Variants in AUTS2 observed in about 807,000 individuals in gnomAD.
The protein encoded by AUTS2 is autism susceptibility gene 2 protein.
A neutral mutation model predicts 112.4 loss-of-function variants in AUTS2; 17 were observed. The observed-to-expected ratio is 0.15, with a 90% CI of 0.10 to 0.23. The LOEUF is 0.23. AUTS2 is among the 10% of genes least tolerant of loss of function. The pLI is 1.00. For missense variants in AUTS2, 1,510 were observed against 1,701.6 expected (o/e 0.89, Z 1.98); for synonymous variants, 751 against 702.7 (o/e 1.07, Z -1.09).
At chr7:70,009,726 T>A (rs949009985) in intron 2 of AUTS2, among the ~76,000 whole-genome samples, 1 of 152,208 alleles carries the variant, frequency 6.6e-6, no homozygotes, top group East Asian at 1.9e-4. Context: ...CCATATAATC[T>A]ATGGTATTAT....
chr7:69,795,305 G>T (rs1789791474), intron 1 of AUTS2, among the ~76,000 whole-genome samples: 1 of 152,178 alleles, frequency 6.6e-6, no homozygotes, highest in Non-Finnish European at 1.5e-5. Flanking sequence ...ATCATAGAGA[G>T]CCTTGATTCC....
chr7:70,699,899 G>A (rs1454540355), intron 6 of AUTS2, among the ~76,000 whole-genome samples: 1 of 152,170 alleles, frequency 6.6e-6, no homozygotes, highest in Non-Finnish European at 1.5e-5. Context: ...GAGGGAGACT[G>A]GGGTAGAGGG....
intron 4 of AUTS2, among the ~76,000 whole-genome samples, chr7:70,393,438 AC>A (rs1386050180): frequency 2.0e-4 from 30 of 152,008 alleles, no homozygotes; most frequent in Admixed American, 3.9e-4. Context: ...TGTCCTGGAC[AC>A]AGTATTTCAC....
intron 5 of AUTS2, among the ~76,000 whole-genome samples, chr7:70,512,246 A>G (rs1799225092): frequency 6.6e-6 from 1 of 152,222 alleles, no homozygotes; most frequent in Non-Finnish European, 1.5e-5. Context: ...GCACATATCC[A>G]TGTGATATTA....
intron 5 of AUTS2, among the ~76,000 whole-genome samples, chr7:70,678,293 C>A (rs1808028661): frequency 2.0e-5 from 3 of 152,022 alleles, no homozygotes; most frequent in Non-Finnish European, 1.5e-5. Context: ...AGGCATACAG[C>A]GGAAGTGTGT....
rs370966756 is a variant in AUTS2, at chr7:69,894,252, G to GTTTTTT, written c.310-5013_310-5008dup. 7.1e-4 allele frequency among the ~76,000 whole-genome samples: 26 copies of GTTTTTT among 36,730 alleles called. 1 individual carries two copies. Among genetic ancestry groups the GTTTTTT allele is most frequent in the African/African-American group, 2.8e-3 (21 of 7,572 alleles). 24.1% of individuals were successfully genotyped at this position (36,730 alleles called of 152,430 possible). ...GACTGTCAAATGAATGCCTTAAAGCGTTTTTTTTTTTTTTTTTTTTTTTTT... is the reference window on the plus strand; with the variant it reads ...GACTGTCAAATGAATGCCTTAAAGCGTTTTTTTTTTTTTTTTTTTTTTTTTTTTTTT... On this transcript the variant is annotated intron_variant, in intron 1 of 18. Coordinates refer to ENST00000342771, the MANE Select transcript of AUTS2 (RefSeq NM_015570.4).
chr7:70,714,737 C>A (rs374853044), intron 6 of AUTS2, among the ~76,000 whole-genome samples: 3 of 152,164 alleles, frequency 2.0e-5, no homozygotes, highest in African/African-American at 7.2e-5. Context: ...CTCTGTCCCT[C>A]GTATTTCCTG....
intron 4 of AUTS2, among the ~76,000 whole-genome samples, chr7:70,389,262 G>A (rs1437035896): frequency 6.6e-6 from 1 of 152,046 alleles, no homozygotes; most frequent in Non-Finnish European, 1.5e-5. Context: ...CCTTGCAACT[G>A]ATATTGGACC....
intron 6 of AUTS2, among the ~76,000 whole-genome samples, chr7:70,711,657 AC>A (rs1212838313): frequency 6.6e-6 from 1 of 152,194 alleles, no homozygotes; most frequent in African/African-American, 2.4e-5. Context: ...CCAGAGAATG[AC>A]AGCTTTGGAA....
intron 6 of AUTS2, among the ~76,000 whole-genome samples, chr7:70,742,441 T>C (rs1383589588): frequency 2.6e-5 from 4 of 152,208 alleles, no homozygotes; most frequent in African/African-American, 4.8e-5. Context: ...GAGAAACTTG[T>C]ATTTCACCTA....
At chr7:69,816,059 G>C (rs1790747095) in intron 1 of AUTS2, among the ~76,000 whole-genome samples, 1 of 152,206 alleles carries the variant, frequency 6.6e-6, no homozygotes, top group African/African-American at 2.4e-5. Context: ...TACAGGCCAA[G>C]CCTTTTGCCT....
chr7:70,147,026 C>A (rs1375727615), intron 4 of AUTS2, among the ~76,000 whole-genome samples: 10 of 152,036 alleles, frequency 6.6e-5, no homozygotes, highest in Admixed American at 6.6e-4. Context: ...TTTTTGGATA[C>A]AGTACACATT....
chr7:70,577,411 C>A (rs1205249892), intron 5 of AUTS2, among the ~76,000 whole-genome samples: 2 of 152,240 alleles, frequency 1.3e-5, no homozygotes, highest in South Asian at 2.1e-4. Flanking sequence ...ATCCTCCCCC[C>A]TCCCTGTTAT....
At chr7:70,400,476 A>G (rs568544612) in intron 4 of AUTS2, among the ~76,000 whole-genome samples, 211 of 152,280 alleles carry the variant, frequency 1.4e-3, no homozygotes, top group African/African-American at 5.0e-3. Flanking sequence ...GAAGGCAGAG[A>G]AAACAGTTTG....
chr7:70,081,074 T>G (rs1211685441), intron 2 of AUTS2, among the ~76,000 whole-genome samples: 1 of 152,170 alleles, frequency 6.6e-6, no homozygotes, highest in Admixed American at 6.5e-5. Flanking sequence ...TGTGTTTTTC[T>G]CTCAGAGCTT....
At chr7:70,564,098 T>A (rs1302081803) in intron 5 of AUTS2, among the ~76,000 whole-genome samples, 1 of 152,206 alleles carries the variant, frequency 6.6e-6, no homozygotes. Flanking sequence ...TAGCCTAATG[T>A]CTTTGTGGTT....
At chr7:69,937,156 C>G (rs1796446118) in intron 2 of AUTS2, among the ~76,000 whole-genome samples, 1 of 152,192 alleles carries the variant, frequency 6.6e-6, no homozygotes, top group African/African-American at 2.4e-5. Flanking sequence ...CAGCCTCCCT[C>G]CAGGTTGTTC....
intron 6 of AUTS2, among the ~76,000 whole-genome samples, chr7:70,761,747 C>A (rs1428153140): frequency 2.6e-5 from 4 of 152,156 alleles, no homozygotes; most frequent in Non-Finnish European, 1.5e-5. Flanking sequence ...GGGAGTACAT[C>A]TTTTACATCC....
At chr7:70,183,506 C>T (rs992299161) in intron 4 of AUTS2, among the ~76,000 whole-genome samples, 9 of 152,226 alleles carry the variant, frequency 5.9e-5, no homozygotes, top group Non-Finnish European at 1.2e-4. Context: ...TCCTTCTCTG[C>T]AGCTCAGCCC....
Sources: allele counts gnomAD v4.1 joint callset (sites outside exome capture counted in the v4.1 genomes callset), GRCh38; gene constraint gnomAD v4.1.1; transcripts MANE v1.5; gene names NCBI Gene and HGNC (gene_info 2026-07-23, HGNC 2026-07-21).